The following CEMIP variants were observed in gnomAD, a reference collection of about 807,000 sequenced individuals.
CEMIP encodes cell migration-inducing and hyaluronan-binding protein.
In CEMIP, 105 loss-of-function variants were observed where a neutral mutation model predicts 156.9. That is an observed-to-expected ratio of 0.67 (90% CI 0.57 to 0.79). The LOEUF (loss-of-function observed/expected upper bound fraction) is 0.79, where lower values mean the gene tolerates loss of function less well. Among genes scored for constraint, CEMIP ranks in the 30% least tolerant of loss-of-function variants. The pLI, the probability that CEMIP is intolerant of heterozygous loss-of-function variation, is 0.00. For missense variants in CEMIP, 1,457 were observed against 1,769.4 expected (o/e 0.82, Z 3.17); for synonymous variants, 676 against 668.4 (o/e 1.01, Z -0.17).
rs796068914 is a variant in CEMIP, at chr15:80,926,836, C to CTTTTTTTTTTTTTT, written c.2420+1093_2420+1094insTTTTTTTTTTTTTT. On this transcript the variant is annotated intron_variant, in intron 19 of 29. Transcript: ENST00000394685. ...TGAGCGGGTGGGGGGGGGGGGTCTT[C>CTTTTTTTTTTTTTT]TTTTTTTTTTTTGAGATGGAGTCTT... 5.0e-3 allele frequency among the ~76,000 whole-genome samples: 539 copies of CTTTTTTTTTTTTTT among 106,734 alleles called. 29 individuals are homozygous for CTTTTTTTTTTTTTT. Among genetic ancestry groups the CTTTTTTTTTTTTTT allele is most frequent in the African/African-American group, 0.027 (512 of 19,246 alleles). 70.0% of individuals were successfully genotyped at this position (106,734 alleles called of 152,430 possible). A position where few individuals can be genotyped will look rare whatever the true frequency, so the allele number is the denominator to read the frequency against.
intron 1 of CEMIP, among the ~76,000 whole-genome samples, chr15:80,857,254 G>A (rs1472878592): frequency 6.6e-6 from 1 of 152,226 alleles, no homozygotes; most frequent in African/African-American, 2.4e-5. Context: ...ACTGCTGCCA[G>A]GCCCTGCCTC....
At chr15:80,807,043 A>C (rs183572385) in intron 1 of CEMIP, among the ~76,000 whole-genome samples, 273 of 152,330 alleles carry the variant, frequency 1.8e-3, no homozygotes, top group Non-Finnish European at 3.1e-3. Flanking sequence ...TCAATGTCAA[A>C]TCAGTGTCAG....
At chr15:80,818,135 A>G (rs1248376567) in intron 1 of CEMIP, among the ~76,000 whole-genome samples, 1 of 152,188 alleles carries the variant, frequency 6.6e-6, no homozygotes. Flanking sequence ...AGCTTACTAC[A>G]AAAAAATATG....
In CEMIP at chr15:80,856,030, C is replaced by G. The variant is rs142388988; in HGVS notation, c.-175-17508C>G. On this transcript the variant is annotated intron_variant, in intron 1 of 29. Transcript: ENST00000394685. ...TTGTACAAAGGTCTACATACTGGAT[C>G]ATTCCATTTACATGAAGTCCTAGCA... Among the ~76,000 whole-genome samples, 43 of 152,330 alleles carry G rather than the reference C, an allele frequency of 2.8e-4. No individual in the cohort carries two copies. In the East Asian group the frequency reaches 8.3e-3, roughly 29 times the overall value.
chr15:80,789,073 C>T (rs1419840176), intron 1 of CEMIP, among the ~76,000 whole-genome samples: 1 of 152,170 alleles, frequency 6.6e-6, no homozygotes, highest in Non-Finnish European at 1.5e-5. Context: ...GAGTGCCTTT[C>T]TTATCTCACT....
At chr15:80,935,684 T>C (rs10220834) in intron 23 of CEMIP, among the ~76,000 whole-genome samples, 36,844 of 152,042 alleles carry the variant, frequency 0.24, 5,360 homozygotes, top group African/African-American at 0.41. Flanking sequence ...GGGGATATTG[T>C]CTTATGAATT....
At chr15:80,831,241 C>G (rs1897150237) in intron 1 of CEMIP, among the ~76,000 whole-genome samples, 1 of 152,010 alleles carries the variant, frequency 6.6e-6, no homozygotes, top group South Asian at 2.1e-4. Flanking sequence ...GAGGTTTAGG[C>G]AAGGTTGTGA....
chr15:80,949,022 C>A lies in CEMIP; in HGVS notation c.*98C>A. 2.6e-6 allele frequency: 4 copies of A among 1,524,878 alleles called. No homozygotes were observed. Among genetic ancestry groups the A allele is most frequent in the Non-Finnish European group, 2.7e-6 (3 of 1,103,956 alleles). 94.5% of individuals were successfully genotyped at this position (1,524,878 alleles called of 1,614,324 possible). ...GGCTGGGTCCCCCAGCCCCTGCCAGCAGCTGCCTGGGAAGGCCGTGTTTCA... is the reference window on the plus strand; with the variant it reads ...GGCTGGGTCCCCCAGCCCCTGCCAGAAGCTGCCTGGGAAGGCCGTGTTTCA... On this transcript the variant is annotated 3_prime_UTR_variant, in exon 30 of 30. Coordinates refer to ENST00000394685, the MANE Select transcript of CEMIP (RefSeq NM_001293298.2).
At chr15:80,795,728 G>T (rs1404997581) in intron 1 of CEMIP, among the ~76,000 whole-genome samples, 3 of 152,158 alleles carry the variant, frequency 2.0e-5, no homozygotes, top group African/African-American at 7.2e-5. Context: ...GAGCCCAGGA[G>T]TTCAAGGCCA....
chr15:80,926,767 A>T (rs76558791), intron 19 of CEMIP, among the ~76,000 whole-genome samples: 24,190 of 134,106 alleles, frequency 0.18, 2,425 homozygotes, highest in East Asian at 0.37. Context: ...ATTTTTTTTT[A>T]AAAAAGTCAA....
Position 80,874,306 on chromosome 15 carries a change from C to T in CEMIP, c.94+333C>T, listed in dbSNP as rs572523320. Reference sequence around the variant, plus strand: ...ACTGAGACCCTTCTAAAGGGAAACACTGTTCTCACTTCTAGCCAATCGCTA... The same window carrying T: ...ACTGAGACCCTTCTAAAGGGAAACATTGTTCTCACTTCTAGCCAATCGCTA... On this transcript the variant is annotated intron_variant, in intron 3 of 29. Transcript: ENST00000394685. 4.1e-4 allele frequency among the ~76,000 whole-genome samples: 62 copies of T among 152,368 alleles called. 1 individual carries two copies. The highest frequency in any genetic ancestry group is 1.3e-3 in the African/African-American group (55 of 41,590).
At chr15:80,908,274 T>A (rs1899890306) in intron 13 of CEMIP, among the ~76,000 whole-genome samples, 1 of 152,118 alleles carries the variant, frequency 6.6e-6, no homozygotes, top group South Asian at 2.1e-4. Context: ...GGGGACTCTT[T>A]CCCACTGAGC....
chr15:80,887,904 C>A, intron 8 of CEMIP, 140 bp downstream of exon 8: 2 of 739,612 alleles, frequency 2.7e-6, no homozygotes, highest in South Asian at 3.0e-5. Context: ...AGCCGCTTAA[C>A]TGGCCACCTT....
chr15:80,895,975 C>A lies in CEMIP; in HGVS notation c.1326C>A (p.Ala442=). 6.2e-7 allele frequency: 1 copy of A among 1,614,170 alleles called. No homozygotes were observed. The highest frequency in any genetic ancestry group is 1.7e-5 in the Admixed American group (1 of 60,024). The change falls in exon 12 of 30, where the codon GCC becomes GCA. Residue 442 remains alanine, a synonymous_variant. Transcript: ENST00000394685. ...AACCTGGAGATACCCTGGTCATTGC[C>A]AGTACTGATTACTCCATGTACCAGG... ...SWKPGDTLVI[A]STDYSMYQAE...
intron 1 of CEMIP, among the ~76,000 whole-genome samples, chr15:80,838,070 C>A (rs539493941): frequency 6.6e-6 from 1 of 152,330 alleles, no homozygotes; most frequent in African/African-American, 2.4e-5. Context: ...GCTGCTGTTC[C>A]CTGCCCCAGA....
intron 7 of CEMIP, among the ~76,000 whole-genome samples, chr15:80,886,400 T>A (rs967495673): frequency 1.3e-5 from 2 of 152,202 alleles, no homozygotes; most frequent in Non-Finnish European, 2.9e-5. Context: ...CTGAAGGATT[T>A]AAGCAGGAAA....
chr15:80,916,277 G>A (rs532146113), intron 14 of CEMIP, among the ~76,000 whole-genome samples: 16 of 152,282 alleles, frequency 1.1e-4, no homozygotes, highest in Admixed American at 8.5e-4. Context: ...TGAAGCAGTC[G>A]CTACTGGCTC....
At chr15:80,898,864 T>G (rs1899340934) in intron 12 of CEMIP, among the ~76,000 whole-genome samples, 2 of 152,220 alleles carry the variant, frequency 1.3e-5, no homozygotes, top group South Asian at 4.1e-4. Flanking sequence ...TTGCCCCACC[T>G]TTCCTCCACA....
intron 14 of CEMIP, among the ~76,000 whole-genome samples, chr15:80,911,834 C>G (rs145281346): frequency 6.6e-6 from 1 of 151,992 alleles, no homozygotes; most frequent in Non-Finnish European, 1.5e-5. Flanking sequence ...GGGGCATAGG[C>G]CTTGGGCACT....
Sources: gnomAD v4.1 joint callset for allele counts (sites outside exome capture counted in the v4.1 genomes callset) on GRCh38, gnomAD v4.1.1 for gene constraint, MANE v1.5 for transcripts, NCBI Gene and HGNC (gene_info 2026-07-23, HGNC 2026-07-21) for gene names.